CDH3: variants seen among roughly 807,000 people sequenced by gnomAD.
CDH3 encodes cadherin 3, also known as cadherin-3.
In CDH3, 54 loss-of-function variants were observed where a neutral mutation model predicts 82.0. The observed-to-expected ratio is 0.66, with a 90% CI of 0.53 to 0.83. The LOEUF is 0.83. Ranked by LOEUF, CDH3 falls within the 40% of genes least tolerant of loss-of-function variation. The pLI is 0.00. For missense variants in CDH3, 1,054 were observed against 1,084.6 expected (o/e 0.97, Z 0.40); for synonymous variants, 446 against 437.9 (o/e 1.02, Z -0.23).
intron 2 of CDH3, among the ~76,000 whole-genome samples, chr16:68,674,706 G>A (rs1960982024): frequency 1.3e-5 from 2 of 152,172 alleles, no homozygotes; most frequent in South Asian, 4.1e-4. Context: ...CTGCATTCCA[G>A]CCTAAGTGAC....
At chr16:68,665,556 G>A (rs1032593530) in intron 2 of CDH3, among the ~76,000 whole-genome samples, 1 of 152,144 alleles carries the variant, frequency 6.6e-6, no homozygotes, top group Non-Finnish European at 1.5e-5. Context: ...CTGTTAAACA[G>A]TTTAGAGATT....
intron 1 of CDH3, among the ~76,000 whole-genome samples, chr16:68,720,620 T>C (rs1197727254): frequency 1.4e-4 from 1 of 7,310 alleles, no homozygotes; most frequent in Non-Finnish European, 1.0e-3. Context: ...TATTAAGTCT[T>C]TTTTTTTTTT....
At chr16:68,682,579 G>A in intron 9 of CDH3, 92 bp downstream of exon 9, 1 of 1,245,766 alleles carries the variant, frequency 8.0e-7, no homozygotes, top group Non-Finnish European at 1.2e-6. Context: ...CCGTGGGCTA[G>A]TCCAGGAATC....
In CDH3 at chr16:68,707,870, G is replaced by T. The variant is rs1449139550; in HGVS notation, c.99+11947G>T. On this transcript the variant is annotated intron_variant, in intron 1 of 2. Transcript: ENST00000569080. The surrounding 1 kb of genome is among the most constrained non-coding windows in gnomAD (Gnocchi z 4.5). ...CGGGGAGGAATCTGAGAGGGGCGGG[G>T]CGGGTCAGGAATGCCTGGGCTCCGT... Among the ~76,000 whole-genome samples, 3 of 151,678 alleles carry T rather than the reference G, an allele frequency of 2.0e-5. No individual in the cohort carries two copies. Among genetic ancestry groups the T allele is most frequent in the African/African-American group, 7.3e-5 (3 of 41,274 alleles).
intron 2 of CDH3, among the ~76,000 whole-genome samples, chr16:68,647,211 T>C (rs1183983407): frequency 2.0e-5 from 3 of 152,150 alleles, no homozygotes; most frequent in Non-Finnish European, 4.4e-5. Flanking sequence ...TCCGGCTCCC[T>C]GAGGAAGCCT....
At chr16:68,672,166 C>T (rs1960899373) in intron 2 of CDH3, among the ~76,000 whole-genome samples, 1 of 147,022 alleles carries the variant, frequency 6.8e-6, no homozygotes, top group African/African-American at 2.5e-5. Context: ...GCACTCCAGC[C>T]TGGGCGACAG....
At chr16:68,709,166 C>G (rs1015978964) in intron 1 of CDH3, among the ~76,000 whole-genome samples, 1 of 152,100 alleles carries the variant, frequency 6.6e-6, no homozygotes, top group African/African-American at 2.4e-5. Context: ...GCCTTGACCT[C>G]CTGGATTCAA....
chr16:68,673,493 A>G (rs1960945673), intron 2 of CDH3, among the ~76,000 whole-genome samples: 3 of 148,858 alleles, frequency 2.0e-5, no homozygotes, highest in South Asian at 4.2e-4. Flanking sequence ...TTTCTTAGAG[A>G]AAAGGGTCTT....
intron 1 of CDH3, among the ~76,000 whole-genome samples, chr16:68,712,032 G>GTT (rs1322776953): frequency 1.2e-4 from 10 of 86,002 alleles, no homozygotes; most frequent in African/African-American, 3.0e-4. Flanking sequence ...GGGTTTTTTT[G>GTT]TTTTCTTTTT....
chr16:68,697,462 T>G (rs11075696), intron 15 of CDH3, among the ~76,000 whole-genome samples: 1 of 152,098 alleles, frequency 6.6e-6, no homozygotes, highest in Non-Finnish European at 1.5e-5. Flanking sequence ...GAGCCTCTGC[T>G]GTAGAAGACT....
chr16:68,723,693 G>A (rs930887320), intron 2 of CDH3, among the ~76,000 whole-genome samples: 1 of 152,192 alleles, frequency 6.6e-6, no homozygotes, highest in Admixed American at 6.6e-5. Flanking sequence ...CACTTTGGGA[G>A]GCCAAGGTGG....
At chr16:68,690,283 A>G (rs912179925) in intron 12 of CDH3, among the ~76,000 whole-genome samples, 2 of 152,208 alleles carry the variant, frequency 1.3e-5, no homozygotes, top group African/African-American at 4.8e-5. Flanking sequence ...TCTGCTCAAC[A>G]TTAGCACTTA....
Position 68,687,731 on chromosome 16 carries a change from A to G in CDH3, c.1790A>G (p.Glu597Gly). Residue 597 changes from glutamate to glycine, a missense_variant, in exon 12 of 16, where the codon GAG becomes GGG. Transcript: ENST00000264012. ...ATCTACTGGACGGCAGAGGTCAACG[A>G]GGAAGGTACCTGAGTGAGTGGTGGT... is the stretch of plus-strand genomic sequence containing the variant. ...SDIYWTAEVN[E>G]EGDTVVLSLK... 6.2e-7 allele frequency: 1 copy of G among 1,613,044 alleles called. No individual in the cohort carries two copies. The highest frequency in any genetic ancestry group is 8.5e-7 in the Non-Finnish European group (1 of 1,179,182).
chr16:68,718,290 C>T (rs1391467115), intron 1 of CDH3, among the ~76,000 whole-genome samples: 12 of 152,170 alleles, frequency 7.9e-5, no homozygotes, highest in African/African-American at 2.9e-4. Context: ...AGGTGTGAGC[C>T]ACCGAACTGG....
chr16:68,684,823 A>G lies in CDH3; in HGVS notation c.1423A>G (p.Ser475Gly), dbSNP rs868428771. 1 of 1,614,154 alleles carries G rather than the reference A, an allele frequency of 6.2e-7. No homozygotes were observed. Among genetic ancestry groups the G allele is most frequent in the Non-Finnish European group, 8.5e-7 (1 of 1,180,026 alleles). Residue 475 changes from serine to glycine, a missense_variant and splice_region_variant, in exon 10 of 16, where the codon AGC (serine) becomes GGC (glycine). Transcript: ENST00000264012. ...EDPDKENQKI[S>G]YRILRDPAGW... is the part of the protein sequence containing the mutation. ...CCCTGACAAGGAGAATCAAAAGATCAGGTACTCAGGAGCTGGGCTCAGTAA... is the reference window on the plus strand; with the variant it reads ...CCCTGACAAGGAGAATCAAAAGATCGGGTACTCAGGAGCTGGGCTCAGTAA...
intron 2 of CDH3, among the ~76,000 whole-genome samples, chr16:68,676,153 T>A (rs1961027554): frequency 6.6e-6 from 1 of 152,198 alleles, no homozygotes; most frequent in Non-Finnish European, 1.5e-5. Flanking sequence ...AAGAAGAGTT[T>A]GACCCACAAA....
At position 68,687,728 on chromosome 16, in the gene CDH3, A is replaced by G; in HGVS notation, c.1787A>G (p.Asn596Ser). ...GACATCTACTGGACGGCAGAGGTCA[A>G]CGAGGAAGGTACCTGAGTGAGTGGT... is the stretch of plus-strand genomic sequence containing the variant. ...DSDIYWTAEV[N>S]EEGDTVVLSL... Residue 596 changes from asparagine (N) to serine (S), a missense_variant, in exon 12 of 16, where the codon AAC becomes AGC. Asn to Ser is a conservative substitution (Grantham distance 46). Coordinates refer to ENST00000264012, the MANE Select transcript of CDH3 (RefSeq NM_001793.6). 1 of 1,613,312 alleles carries G rather than the reference A, an allele frequency of 6.2e-7. No individual in the cohort carries two copies. The highest frequency in any genetic ancestry group is 8.5e-7 in the Non-Finnish European group (1 of 1,179,420).
At chr16:68,651,650 G>T in intron 2 of CDH3, 1 of 510,120 alleles carries the variant, frequency 2.0e-6, no homozygotes. Context: ...ACAGGTCCAT[G>T]GGGTTCATGC....
At chr16:68,731,047 A>ACATATATAT (rs1262844091), downstream of CDH3, among the ~76,000 whole-genome samples, 5 of 26,352 alleles carry the variant, frequency 1.9e-4, no homozygotes, top group African/African-American at 7.1e-4. Flanking sequence ...AAAAAAAAAA[A>ACATATATAT]ATATATATAT....
Sources: allele counts gnomAD v4.1 joint callset (sites outside exome capture counted in the v4.1 genomes callset), GRCh38; gene constraint gnomAD v4.1.1; non-coding constraint Gnocchi (gnomAD v3.1); transcripts MANE v1.5; gene names NCBI Gene and HGNC (gene_info 2026-07-23, HGNC 2026-07-21).